The following SLC39A14 variants were observed in gnomAD, a reference collection of about 807,000 sequenced individuals.
SLC39A14 encodes metal cation symporter ZIP14.
SLC39A14 carries 19 observed loss-of-function variants against 45.5 expected under a neutral mutation model. That is an observed-to-expected ratio of 0.42 (90% CI 0.29 to 0.61). SLC39A14 has a LOEUF of 0.61. SLC39A14 is among the 20% of genes least tolerant of loss of function. The probability of loss-of-function intolerance (pLI) is 0.22; values close to 1 mark genes in which losing one functional copy is unlikely to be tolerated. For missense variants in SLC39A14, 447 were observed against 616.5 expected, an observed-to-expected ratio of 0.73 and a Z score of 2.91; for synonymous variants, 264 against 251.3, an observed-to-expected ratio of 1.05 and a Z score of -0.48.
rs138188932 is a variant in SLC39A14, at chr8:22,396,597, A to AAG, written c.-15-8099_-15-8098insAG. On this transcript the variant is annotated intron_variant, in intron 1 of 8. Coordinates refer to ENST00000381237, the MANE Select transcript of SLC39A14 (RefSeq NM_001128431.4). ...GAGAGAGAGAGAGAGAGAGAGAGAGAGAAGACTAAGTGGAATTTGGAATTG... is the reference window on the plus strand; with the variant it reads ...GAGAGAGAGAGAGAGAGAGAGAGAGAAGGAAGACTAAGTGGAATTTGGAATTG... 8.2e-4 allele frequency among the ~76,000 whole-genome samples: 48 copies of AAG among 58,238 alleles called. 14 individuals are homozygous for AAG. The highest frequency in any genetic ancestry group is 1.0e-3 in the Non-Finnish European group (28 of 27,674). 38.2% of individuals were successfully genotyped at this position (58,238 alleles called of 152,430 possible). A position where few individuals can be genotyped will look rare whatever the true frequency, so the allele number is the denominator to read the frequency against.
intron 2 of SLC39A14, among the ~76,000 whole-genome samples, chr8:22,406,396 TG>T (rs1304638321): frequency 2.1e-5 from 2 of 94,556 alleles, no homozygotes; most frequent in African/African-American, 1.5e-4. Flanking sequence ...CCTCAAAAGT[TG>T]GGGGGGAGGA....
At chr8:22,399,295 T>G (rs965050036) in intron 1 of SLC39A14, among the ~76,000 whole-genome samples, 14 of 152,184 alleles carry the variant, frequency 9.2e-5, no homozygotes, top group African/African-American at 3.4e-4. Flanking sequence ...CTTCTTTCTT[T>G]CCTCTCTAAT....
intron 3 of SLC39A14, among the ~76,000 whole-genome samples, chr8:22,411,690 AC>A (rs1835577789): frequency 6.6e-6 from 1 of 151,934 alleles, no homozygotes. Flanking sequence ...ACGAGGCAGC[AC>A]CCTGCCCTGC....
intron 2 of SLC39A14, among the ~76,000 whole-genome samples, chr8:22,407,733 G>T (rs1045563674): frequency 6.7e-6 from 1 of 150,052 alleles, no homozygotes; most frequent in Non-Finnish European, 1.5e-5. Context: ...AAGAGACAGG[G>T]TGTTGCTCTG....
rs952899057 is a variant in SLC39A14, at chr8:22,421,026, G to T, written c.*1328G>T. 7.1e-6 allele frequency: 7 copies of T among 985,756 alleles called. No individual in the cohort carries two copies. The Admixed American group carries it at 4.3e-4, about 61-fold the overall frequency. The allele number at this position is 985,756 out of a possible 1,614,324, so 61.1% of individuals were successfully genotyped here. A position where few individuals can be genotyped will look rare whatever the true frequency, so the allele number is the denominator to read the frequency against. ...GCCACTGTGGAGCCCTTGCCTCCGA[G>T]CTCTGGCTTCAAGGGGAGCTCTTCT... On this transcript the variant is annotated 3_prime_UTR_variant, in exon 9 of 9. Coordinates refer to ENST00000381237, the MANE Select transcript of SLC39A14 (RefSeq NM_001128431.4).
intron 1 of SLC39A14, among the ~76,000 whole-genome samples, chr8:22,388,607 G>T (rs1237548175): frequency 6.6e-6 from 1 of 152,060 alleles, no homozygotes; most frequent in Admixed American, 6.6e-5. Flanking sequence ...GGGCTGGGTG[G>T]CCAGGAGGGA....
chr8:22,383,442 A>C (rs900011689), intron 1 of SLC39A14, among the ~76,000 whole-genome samples: 1 of 152,098 alleles, frequency 6.6e-6, no homozygotes, highest in Non-Finnish European at 1.5e-5. Flanking sequence ...GAAGCCCTAA[A>C]AGTTGTATGG....
In SLC39A14 at chr8:22,371,683, G is replaced by C. The variant is rs188537592; in HGVS notation, c.-16+4275G>C. Among the ~76,000 whole-genome samples the C allele has an allele frequency of 5.8e-4, 86 of 148,322 alleles. 1 individual carries two copies. Among genetic ancestry groups the C allele is most frequent in the African/African-American group, 1.9e-3 (77 of 40,420 alleles). ...CCTGACCTCGTGATCTACCCACCTC[G>C]GCCTCCCAAAGTGCTGGGATTACAG... On this transcript the variant is annotated intron_variant, in intron 1 of 8. Coordinates refer to ENST00000381237, the MANE Select transcript of SLC39A14 (RefSeq NM_001128431.4).
intron 1 of SLC39A14, among the ~76,000 whole-genome samples, chr8:22,370,455 G>T (rs974772454): frequency 6.6e-6 from 1 of 152,152 alleles, no homozygotes; most frequent in Admixed American, 6.5e-5. Context: ...GCACCATGTT[G>T]CTGAGCCCCA....
chr8:22,404,934 G>A lies in SLC39A14; in HGVS notation c.224G>A (p.Arg75Gln), dbSNP rs749347257. ...AACCACCTGGATGTGGGAGTGGGCC[G>A]GGGTAATGTCACCCAGCACGTGCAA... ...LLNHLDVGVG[R>Q]GNVTQHVQGH... The change falls in exon 2 of 9, where the codon CGG becomes CAG. Residue 75 changes from arginine (R) to glutamine (Q), a missense_variant. By Grantham distance (43) the Arg-to-Gln change is conservative (BLOSUM62 1). Coordinates refer to ENST00000381237, the MANE Select transcript of SLC39A14 (RefSeq NM_001128431.4). 5.0e-6 allele frequency: 8 copies of A among 1,614,122 alleles called. No homozygotes were observed. The highest frequency in any genetic ancestry group is 4.5e-5 in the East Asian group (2 of 44,880).
At chr8:22,412,510 G>T (rs535371306) in intron 4 of SLC39A14, among the ~76,000 whole-genome samples, 2 of 152,338 alleles carry the variant, frequency 1.3e-5, no homozygotes, top group African/African-American at 4.8e-5. Flanking sequence ...TTGTGAGGGT[G>T]GAACGAGCGA....
Position 22,419,548 on chromosome 8 carries a change from C to G in SLC39A14, c.1333-4C>G. ...AGCTGTGTTGTTTCTTGCTTCTTTC[C>G]CAGTTCCCTGAGATGAATGAGGTCT... On this transcript the variant is annotated splice_region_variant and splice_polypyrimidine_tract_variant and intron_variant, in intron 8 of 8. Coordinates refer to ENST00000381237, the MANE Select transcript of SLC39A14 (RefSeq NM_001128431.4). The G allele has an allele frequency of 6.2e-7, 1 of 1,608,822 alleles. No homozygotes were observed. The highest frequency in any genetic ancestry group is 8.5e-7 in the Non-Finnish European group (1 of 1,178,074).
chr8:22,413,597 C>T (rs1835705265), intron 4 of SLC39A14, among the ~76,000 whole-genome samples: 1 of 152,164 alleles, frequency 6.6e-6, no homozygotes, highest in African/African-American at 2.4e-5. Context: ...AGGCAACAAA[C>T]AGCCCAGAGT....
intron 8 of SLC39A14, among the ~76,000 whole-genome samples, chr8:22,430,770 T>C (rs1165828501): frequency 6.6e-6 from 1 of 151,876 alleles, no homozygotes; most frequent in East Asian, 1.9e-4. Flanking sequence ...CCTCCTGGGT[T>C]CAAGCCATTC....
intron 1 of SLC39A14, among the ~76,000 whole-genome samples, chr8:22,383,430 T>C (rs1833620708): frequency 6.6e-6 from 1 of 152,160 alleles, no homozygotes; most frequent in Admixed American, 6.5e-5. Flanking sequence ...CTTATTTTAC[T>C]GGAAGCCCTA....
chr8:22,382,005 G>A (rs941075408), intron 1 of SLC39A14, among the ~76,000 whole-genome samples: 1 of 152,090 alleles, frequency 6.6e-6, no homozygotes, highest in African/African-American at 2.4e-5. Context: ...GCCAGGTGTG[G>A]TGGTACGGGT....
chr8:22,405,742 G>A (rs1835174494), intron 2 of SLC39A14, among the ~76,000 whole-genome samples: 1 of 152,202 alleles, frequency 6.6e-6, no homozygotes, highest in Admixed American at 6.5e-5. Flanking sequence ...AGGACACCGA[G>A]GGTCCCGCAG....
At chr8:22,406,786 CCGTGCCCCCG>C (rs1281447960) in intron 2 of SLC39A14, among the ~76,000 whole-genome samples, 1 of 152,190 alleles carries the variant, frequency 6.6e-6, no homozygotes, top group Non-Finnish European at 1.5e-5. Context: ...AAGCACGCCC[CCGTGCCCCCG>C]CGGGGTAATG....
At chr8:22,415,602 T>G in intron 5 of SLC39A14, 167 bp from the exon 6 acceptor site, 2 of 619,098 alleles carry the variant, frequency 3.2e-6, no homozygotes, top group Non-Finnish European at 5.4e-6. Flanking sequence ...GACCATGGCT[T>G]TATATAATAG....
Sources: gnomAD v4.1 joint callset for allele counts (sites outside exome capture counted in the v4.1 genomes callset) on GRCh38, gnomAD v4.1.1 for gene constraint, MANE v1.5 for transcripts, NCBI Gene and HGNC (gene_info 2026-07-23, HGNC 2026-07-21) for gene names.